The following SLC36A1 variants were observed in gnomAD, a reference collection of about 807,000 sequenced individuals.
The protein encoded by SLC36A1 is solute carrier family 36 member 1, also known as proton-coupled amino acid transporter 1.
A neutral mutation model predicts 47.5 loss-of-function variants in SLC36A1; 30 were observed. That is an observed-to-expected ratio of 0.63 (90% CI 0.47 to 0.86). The LOEUF (loss-of-function observed/expected upper bound fraction) is 0.86. Among genes scored for constraint, SLC36A1 ranks in the 40% least tolerant of loss-of-function variants. SLC36A1 has a pLI of 0.00. For synonymous variants in SLC36A1, 255 were observed against 249.7 expected (o/e 1.02, Z -0.20); for missense variants, 517 against 606.0 (o/e 0.85, Z 1.54).
chr5:151,540,861 G>C, the SLC36A1 span: 1 of 1,121,784 alleles, frequency 8.9e-7, no homozygotes, highest in Non-Finnish European at 1.3e-6. Flanking sequence ...TTTTAGAATT[G>C]TTGGGAAAGC....
the SLC36A1 span, among the ~76,000 whole-genome samples, chr5:151,370,578 T>C: frequency 6.6e-6 from 1 of 152,254 alleles, no homozygotes; most frequent in African/African-American, 2.4e-5. Flanking sequence ...TGCAGCATTG[T>C]TTGTAACAGC....
chr5:151,512,586 C>T, the SLC36A1 span: 1 of 1,610,342 alleles, frequency 6.2e-7, no homozygotes, highest in Non-Finnish European at 8.5e-7. The surrounding 1 kb of genome is among the most constrained non-coding windows in gnomAD (Gnocchi z 4.1). Context: ...GGTATTCCAG[C>T]TGGGGCACTC....
intron 10 of SLC36A1, among the ~76,000 whole-genome samples, chr5:151,487,722 G>C (rs1419737922): frequency 6.6e-6 from 1 of 152,164 alleles, no homozygotes; most frequent in East Asian, 1.9e-4. Flanking sequence ...GTCATGTGCT[G>C]TAGCCGGAAA....
the SLC36A1 span, chr5:151,521,840 C>T: frequency 3.3e-5 from 54 of 1,614,088 alleles, 1 homozygote; most frequent in Non-Finnish European, 8.5e-7. Flanking sequence ...ATAATCTTGC[C>T]ATCAGGCGCA....
At chr5:151,383,649 T>C in the SLC36A1 span, among the ~76,000 whole-genome samples, 3 of 147,742 alleles carry the variant, frequency 2.0e-5, no homozygotes, top group Non-Finnish European at 1.5e-5. Context: ...CTCGGCTCAC[T>C]GCAACCTCCA....
At chr5:151,450,518 C>G (rs1215393655) in intron 1 of SLC36A1, among the ~76,000 whole-genome samples, 2 of 151,824 alleles carry the variant, frequency 1.3e-5, no homozygotes, top group Non-Finnish European at 2.9e-5. Context: ...ACTTAACTAG[C>G]ATGTGGGATG....
chr5:151,555,272 T>C, the SLC36A1 span, among the ~76,000 whole-genome samples: 1 of 152,168 alleles, frequency 6.6e-6, no homozygotes, highest in African/African-American at 2.4e-5. Flanking sequence ...CTTTGGTGTT[T>C]AAAGGTAAAT....
chr5:151,531,019 G>A, the SLC36A1 span, among the ~76,000 whole-genome samples: 1 of 152,226 alleles, frequency 6.6e-6, no homozygotes, highest in Non-Finnish European at 1.5e-5. This position sits in a 1 kb window ranked among gnomAD's most constrained non-coding sequence, Gnocchi z 5.7. Context: ...AGGCTGACCT[G>A]GGTGGCCTCT....
the SLC36A1 span, among the ~76,000 whole-genome samples, chr5:151,500,027 A>C: frequency 3.3e-5 from 5 of 152,004 alleles, no homozygotes; most frequent in African/African-American, 4.8e-5. Flanking sequence ...GTTGAGTCCT[A>C]AGTTGAGCAG....
Position 151,476,756 on chromosome 5 carries a change from G to T in SLC36A1, c.989G>T (p.Trp330Leu). The change falls in exon 9 of 11, where the codon TGG becomes TTG. Residue 330 changes from tryptophan to leucine, a missense_variant and splice_region_variant. Coordinates refer to ENST00000243389, the MANE Select transcript of SLC36A1 (RefSeq NM_078483.4). ...ATAACCCTCAACCTGCCCAACTGCT[G>T]GTACGTGGAGGGAGGATGGAAACCT... ...GSITLNLPNCWLYQSVKLLYS... is the reference protein window; with the variant it reads ...GSITLNLPNCLLYQSVKLLYS... 1 of 1,610,256 alleles carries T rather than the reference G, an allele frequency of 6.2e-7. No individual in the cohort carries two copies. Among genetic ancestry groups the T allele is most frequent in the Non-Finnish European group, 8.5e-7 (1 of 1,177,860 alleles).
the SLC36A1 span, among the ~76,000 whole-genome samples, chr5:151,385,695 A>G: frequency 6.6e-6 from 1 of 152,070 alleles, no homozygotes; most frequent in Non-Finnish European, 1.5e-5. Context: ...TCTTAGGGCA[A>G]CACCCCAATA....
chr5:151,540,233 A>T, the SLC36A1 span, among the ~76,000 whole-genome samples: 1 of 152,180 alleles, frequency 6.6e-6, no homozygotes, highest in African/African-American at 2.4e-5. Context: ...GGGGCCAAGG[A>T]ATTACCTAGA....
chr5:151,418,812 T>C, the SLC36A1 span, among the ~76,000 whole-genome samples: 3 of 152,118 alleles, frequency 2.0e-5, no homozygotes, highest in African/African-American at 7.2e-5. Flanking sequence ...GACATGAAAT[T>C]TGGGAAGGGC....
At chr5:151,404,452 A>C in the SLC36A1 span, among the ~76,000 whole-genome samples, 477 of 152,294 alleles carry the variant, frequency 3.1e-3, 3 homozygotes, top group Non-Finnish European at 2.8e-3. Context: ...TGATCCTGTC[A>C]TGATGTGAGC....
the SLC36A1 span, among the ~76,000 whole-genome samples, chr5:151,499,339 A>G: frequency 2.6e-5 from 4 of 152,294 alleles, no homozygotes; most frequent in African/African-American, 9.6e-5. Context: ...ACCACAGGTG[A>G]TGGACCAGCA....
chr5:151,386,147 A>G, the SLC36A1 span, among the ~76,000 whole-genome samples: 74,985 of 151,430 alleles, frequency 0.5, 20,537 homozygotes, highest in African/African-American at 0.75. Flanking sequence ...CAAAGTGCTG[A>G]GATTACAGGC....
the SLC36A1 span, among the ~76,000 whole-genome samples, chr5:151,515,994 A>C: frequency 6.6e-6 from 1 of 152,074 alleles, no homozygotes; most frequent in Non-Finnish European, 1.5e-5. Flanking sequence ...TCCTCCTCCT[A>C]CTGTTCCCTT....
chr5:151,553,587 C>T, the SLC36A1 span, among the ~76,000 whole-genome samples: 1 of 152,212 alleles, frequency 6.6e-6, no homozygotes, highest in Admixed American at 6.5e-5. Flanking sequence ...GTGAACAAAA[C>T]GTATAACCTG....
At chr5:151,513,112 C>A in the SLC36A1 span, among the ~76,000 whole-genome samples, 1 of 152,146 alleles carries the variant, frequency 6.6e-6, no homozygotes, top group African/African-American at 2.4e-5. Flanking sequence ...CACAAGTATA[C>A]AACAGAGTTT....
Sources: allele counts gnomAD v4.1 joint callset (sites outside exome capture counted in the v4.1 genomes callset), GRCh38; gene constraint gnomAD v4.1.1; non-coding constraint Gnocchi (gnomAD v3.1); transcripts MANE v1.5; gene names NCBI Gene and HGNC (gene_info 2026-07-23, HGNC 2026-07-21).